SLC5A11: variants seen among roughly 807,000 people sequenced by gnomAD.
SLC5A11 encodes solute carrier family 5 member 11.
SLC5A11 carries 48 observed loss-of-function variants against 69.8 expected under a neutral mutation model. That is an observed-to-expected ratio of 0.69 (90% confidence interval 0.55 to 0.87). SLC5A11 has a LOEUF of 0.87. SLC5A11 is among the 40% of genes least tolerant of loss of function. SLC5A11 has a pLI of 0.00. For synonymous variants in SLC5A11, 319 were observed against 342.4 expected (o/e 0.93, Z 0.75); for missense variants, 784 against 866.1 (o/e 0.91, Z 1.19).
At chr16:24,894,389 G>A (rs1009128395) in intron 9 of SLC5A11, among the ~76,000 whole-genome samples, 4 of 152,152 alleles carry the variant, frequency 2.6e-5, no homozygotes, top group African/African-American at 7.2e-5. Context: ...GTGGCTAGAT[G>A]ACAGATGCCA....
Position 24,872,142 on chromosome 16 carries a change from C to T in SLC5A11, c.313-18C>T, listed in dbSNP as rs1021220277. ...TTGTGAGCTGGGGGCCAAGTCCTGA[C>T]TGTGTTTTCTTGAGCAGGGCTTGTT... On this transcript the variant is annotated intron_variant, in intron 4 of 15. Coordinates refer to ENST00000347898, the Ensembl canonical transcript of SLC5A11. The T allele has an allele frequency of 1.2e-5, 20 of 1,613,982 alleles. 1 individual carries two copies. The Admixed American group carries it at 2.5e-4, about 20-fold the overall frequency.
intron 10 of SLC5A11, among the ~76,000 whole-genome samples, chr16:24,905,336 T>A (rs1458322210): frequency 6.9e-6 from 1 of 144,894 alleles, no homozygotes; most frequent in Non-Finnish European, 1.5e-5. Context: ...AGCTACAGGC[T>A]AGGAGGCTTA....
intron 3 of SLC5A11, among the ~76,000 whole-genome samples, chr16:24,865,842 T>G (rs577848054): frequency 6.6e-6 from 1 of 151,828 alleles, no homozygotes; most frequent in East Asian, 1.9e-4. Context: ...CAAAGAGCAC[T>G]GGTGAAGGTA....
At position 24,859,577 on chromosome 16, in the gene SLC5A11, G is replaced by A. The variant is rs527410579; in HGVS notation, c.135+799G>A. ...ATTATTAGCTTGTTAGTACATAAGCGTGTGGTTCAAGTGTCTTTATGCAAA... is the reference window on the plus strand; with the variant it reads ...ATTATTAGCTTGTTAGTACATAAGCATGTGGTTCAAGTGTCTTTATGCAAA... On this transcript the variant is annotated intron_variant, in intron 2 of 15. Coordinates refer to ENST00000347898, the Ensembl canonical transcript of SLC5A11. Among the ~76,000 whole-genome samples the A allele has an allele frequency of 4.6e-5, 7 of 152,218 alleles. No individual in the cohort carries two copies. The South Asian group carries it at 6.2e-4, about 14-fold the overall frequency.
At chr16:24,889,781 C>T (rs1308157709) in intron 8 of SLC5A11, among the ~76,000 whole-genome samples, 1 of 151,896 alleles carries the variant, frequency 6.6e-6, no homozygotes, top group Non-Finnish European at 1.5e-5. Context: ...CTCCTGACCT[C>T]AGGCGATTCG....
intron 10 of SLC5A11, among the ~76,000 whole-genome samples, chr16:24,902,002 C>T (rs973413433): frequency 6.6e-6 from 1 of 150,796 alleles, no homozygotes; most frequent in Non-Finnish European, 1.5e-5. Context: ...GTCCCAGCTA[C>T]TCAGGAGGCT....
intron 13 of SLC5A11, among the ~76,000 whole-genome samples, chr16:24,908,525 G>C (rs1322162896): frequency 6.6e-6 from 1 of 151,064 alleles, no homozygotes; most frequent in Non-Finnish European, 1.5e-5. Flanking sequence ...TGGAACCTGG[G>C]GGGCAGAGGT....
chr16:24,890,892 G>A (rs868534419), exon 9 of SLC5A11: 1 of 1,614,140 alleles, frequency 6.2e-7, no homozygotes. Context: ...TGGTGGGATG[G>A]AAGGACTGAA....
At chr16:24,851,041 C>T (rs955098198) in intron 1 of SLC5A11, among the ~76,000 whole-genome samples, 2 of 151,362 alleles carry the variant, frequency 1.3e-5, no homozygotes, top group Non-Finnish European at 2.9e-5. Context: ...GAACTCTGGA[C>T]CTCAAGCAAT....
intron 10 of SLC5A11, among the ~76,000 whole-genome samples, chr16:24,904,691 A>C (rs1387067289): frequency 6.6e-6 from 1 of 152,160 alleles, no homozygotes; most frequent in Non-Finnish European, 1.5e-5. Flanking sequence ...ACAGCTGCCT[A>C]AAAGTATTTT....
intron 4 of SLC5A11, among the ~76,000 whole-genome samples, chr16:24,870,209 G>A (rs905563850): frequency 9.5e-5 from 14 of 147,160 alleles, no homozygotes; most frequent in South Asian, 2.2e-4. Flanking sequence ...CCTGGCCAAC[G>A]TGGCGAAACC....
chr16:24,853,041 A>T (rs1265484262), intron 1 of SLC5A11, among the ~76,000 whole-genome samples: 1 of 151,752 alleles, frequency 6.6e-6, no homozygotes, highest in African/African-American at 2.4e-5. Context: ...CCGGTGCCTA[A>T]TAAATGTTTG....
intron 7 of SLC5A11, among the ~76,000 whole-genome samples, chr16:24,880,023 T>C (rs1379488813): frequency 6.6e-6 from 1 of 152,182 alleles, no homozygotes; most frequent in Non-Finnish European, 1.5e-5. Flanking sequence ...TTATTTTCCT[T>C]TGGGTACATA....
chr16:24,885,336 A>G (rs1268848258), intron 8 of SLC5A11, among the ~76,000 whole-genome samples: 1 of 151,960 alleles, frequency 6.6e-6, no homozygotes. Flanking sequence ...GAGGTAAGCC[A>G]CTCATTAAGC....
At chr16:24,891,891 A>G (rs1053380386) in intron 9 of SLC5A11, among the ~76,000 whole-genome samples, 2 of 152,000 alleles carry the variant, frequency 1.3e-5, no homozygotes, top group Admixed American at 1.3e-4. Flanking sequence ...GATAAATATC[A>G]TTTTAAAAAG....
chr16:24,858,680 T>A (rs746623989), exon 2 of SLC5A11: 3 of 1,611,468 alleles, frequency 1.9e-6, no homozygotes, highest in Non-Finnish European at 2.5e-6. Context: ...GCCTCCACAG[T>A]TAGATCCCCT....
exon 4 of SLC5A11, chr16:24,869,904 G>T: frequency 1.2e-6 from 2 of 1,613,582 alleles, no homozygotes; most frequent in Non-Finnish European, 1.7e-6. Flanking sequence ...CCCACAGGTG[G>T]GTGCATCCTT....
rs2048245733 is a variant in SLC5A11 at position 24,884,238 on chromosome 16, T to A, written c.664+107T>A. ...CAAACCTAGCTGTCAAAGAGCATAC[T>A]ACTGGGGAATTTTTTGTCACAGGTG... On this transcript the variant is annotated intron_variant, in intron 8 of 15. Coordinates refer to ENST00000347898, the Ensembl canonical transcript of SLC5A11. 2.8e-6 allele frequency: 3 copies of A among 1,060,820 alleles called. No homozygotes were observed. The African/African-American group carries it at 4.7e-5, about 17-fold the overall frequency. 65.7% of individuals were successfully genotyped at this position (1,060,820 alleles called of 1,614,324 possible).
At chr16:24,854,290 T>C (rs2059435055) in intron 1 of SLC5A11, among the ~76,000 whole-genome samples, 1 of 152,164 alleles carries the variant, frequency 6.6e-6, no homozygotes, top group African/African-American at 2.4e-5. Flanking sequence ...AATCCTGTTT[T>C]AGAAGCAGCA....
Sources: allele counts gnomAD v4.1 joint callset (sites outside exome capture counted in the v4.1 genomes callset), GRCh38; gene constraint gnomAD v4.1.1; transcripts MANE v1.5; gene names NCBI Gene and HGNC (gene_info 2026-07-23, HGNC 2026-07-21).